SLC15A4: variants seen among roughly 807,000 people sequenced by gnomAD.
The protein encoded by SLC15A4 is hPHT1.
In SLC15A4, 26 loss-of-function variants were observed where a neutral mutation model predicts 46.1. That is an observed-to-expected ratio of 0.56 (90% CI 0.41 to 0.78). The LOEUF is 0.78. Ranked by LOEUF, SLC15A4 falls within the 30% of genes least tolerant of loss-of-function variation. The probability of loss-of-function intolerance (pLI) is 0.00; values close to 1 mark genes in which losing one functional copy is unlikely to be tolerated. For synonymous variants in SLC15A4, 370 were observed against 333.4 expected, an observed-to-expected ratio of 1.11 and a Z score of -1.20; for missense variants, 751 against 755.7, an observed-to-expected ratio of 0.99 and a Z score of 0.07.
intron 5 of SLC15A4, among the ~76,000 whole-genome samples, chr12:128,805,907 T>C (rs971808704): frequency 1.3e-4 from 19 of 151,402 alleles, no homozygotes; most frequent in African/African-American, 4.1e-4. Context: ...CCTGGCCGGG[T>C]GTGGTGGCTC....
intron 1 of SLC15A4, among the ~76,000 whole-genome samples, chr12:128,822,824 C>G (rs971488599): frequency 1.3e-5 from 2 of 152,150 alleles, no homozygotes; most frequent in Admixed American, 6.5e-5. Context: ...GCGTGAGCCA[C>G]TGCGCTCAGC....
intron 2 of SLC15A4, chr12:128,813,097 G>GA (rs1164995715): frequency 6.6e-6 from 1 of 151,956 alleles, no homozygotes; most frequent in Non-Finnish European, 1.5e-5. Flanking sequence ...GGTTGTTCCT[G>GA]AAAAAGACCT....
At chr12:128,804,956 C>T (rs895046462) in intron 5 of SLC15A4, among the ~76,000 whole-genome samples, 2 of 152,210 alleles carry the variant, frequency 1.3e-5, no homozygotes. Context: ...CGATTCTAGA[C>T]ACAGACGCAC....
intron 2 of SLC15A4, chr12:128,814,036 A>T (rs1955703435): frequency 6.4e-6 from 1 of 155,528 alleles, no homozygotes; most frequent in South Asian, 2.0e-4. Context: ...AGTGACTTGG[A>T]GGGGTTCTGA....
At position 128,814,918 on chromosome 12, in the gene SLC15A4, G is replaced by A. The variant is rs373549893; in HGVS notation, c.699C>T (p.Val233=). The change falls in exon 2 of 8, where the codon GTC becomes GTT. Residue 233 remains valine, a synonymous_variant. Transcript: ENST00000266771. ...AGAGGAAGACCACAAAAGCAAGGCC[G>A]ACGCAGACAGTGGGGATCGCATAAC... is the stretch of plus-strand genomic sequence containing the variant. ...VTGYAIPTVC[V]GLAFVVFLCG... The A allele has an allele frequency of 1.7e-5, 28 of 1,614,080 alleles. No individual in the cohort carries two copies. Among genetic ancestry groups the A allele is most frequent in the South Asian group, 3.3e-5 (3 of 91,084 alleles).
intron 1 of SLC15A4, among the ~76,000 whole-genome samples, chr12:128,820,656 G>GACTA (rs3044908): frequency 0.59 from 89,423 of 151,652 alleles, 26,650 homozygotes; most frequent in Non-Finnish European, 0.64. Flanking sequence ...GTGTCATGTA[G>GACTA]ACTAAGTAGT....
chr12:128,821,880 G>A (rs1464809003), intron 1 of SLC15A4, among the ~76,000 whole-genome samples: 3 of 61,342 alleles, frequency 4.9e-5, no homozygotes, highest in East Asian at 8.6e-4. Context: ...GCGAGACTCC[G>A]CCTCAAAAAA....
At chr12:128,800,685 C>T in intron 6 of SLC15A4, 169 bp downstream of exon 6, 1 of 598,368 alleles carries the variant, frequency 1.7e-6, no homozygotes. Context: ...TGGAGAACCT[C>T]AGCACTGGTG....
At chr12:128,802,904 G>A (rs10847691) in intron 5 of SLC15A4, among the ~76,000 whole-genome samples, 14,504 of 152,236 alleles carry the variant, frequency 0.095, 934 homozygotes, top group Admixed American at 0.2. Context: ...CCAACACTGC[G>A]GAAACCAGGA....
intron 2 of SLC15A4, 84 bp downstream of exon 2, chr12:128,814,691 C>T (rs986664429): frequency 7.0e-7 from 1 of 1,426,924 alleles, no homozygotes. Flanking sequence ...ACACAATAAG[C>T]ACACAACAAA....
Position 128,793,480 on chromosome 12 carries a change from G to C in SLC15A4, c.*716C>G, listed in dbSNP as rs77413239. On this transcript the variant is annotated 3_prime_UTR_variant, in exon 8 of 8. Transcript: ENST00000266771. ...TAAGCACTCTGACTAGGTAAGGTGT[G>C]AAGTACCCCGTGAGTTGCTCTGTGG... The C allele has an allele frequency of 1.3e-5, 2 of 152,186 alleles. No homozygotes were observed. Among genetic ancestry groups the C allele is most frequent in the Admixed American group, 1.3e-4 (2 of 15,280 alleles). The allele number at this position is 152,186 out of a possible 1,614,324, so 9.4% of individuals were successfully genotyped here. A position where few individuals can be genotyped will look rare whatever the true frequency, so the allele number is the denominator to read the frequency against.
intron 5 of SLC15A4, among the ~76,000 whole-genome samples, chr12:128,802,596 C>A (rs1424773065): frequency 6.6e-6 from 1 of 152,084 alleles, no homozygotes; most frequent in Non-Finnish European, 1.5e-5. Context: ...GGGGGCGGGA[C>A]AAGGGAAGGT....
chr12:128,803,057 T>C (rs1016431118), intron 5 of SLC15A4, among the ~76,000 whole-genome samples: 5 of 152,106 alleles, frequency 3.3e-5, no homozygotes, highest in Non-Finnish European at 7.4e-5. Context: ...GACAGTGACA[T>C]GGCAAGCGGG....
intron 1 of SLC15A4, 190 bp from the exon 2 acceptor site, chr12:128,815,260 C>T: frequency 1.7e-6 from 1 of 592,064 alleles, no homozygotes; most frequent in Non-Finnish European, 3.0e-6. Context: ...TTAATTACTA[C>T]AGTTGCTAGG....
At chr12:128,814,675 C>G in intron 2 of SLC15A4, 100 bp downstream of exon 2, 1 of 1,279,890 alleles carries the variant, frequency 7.8e-7, no homozygotes, top group East Asian at 2.3e-5. Flanking sequence ...TCAGCCCAGG[C>G]CCAGCACACA....
chr12:128,812,227 T>C (rs1955666620), intron 2 of SLC15A4, among the ~76,000 whole-genome samples: 1 of 152,270 alleles, frequency 6.6e-6, no homozygotes, highest in Non-Finnish European at 1.5e-5. Context: ...GGATTGAAAC[T>C]GAGATTGGGC....
At chr12:128,797,151 C>G (rs1955455344) in intron 7 of SLC15A4, among the ~76,000 whole-genome samples, 1 of 152,160 alleles carries the variant, frequency 6.6e-6, no homozygotes, top group Non-Finnish European at 1.5e-5. Context: ...CACCCGCCCC[C>G]CAGGCTCACA....
rs1955637648 is a variant in SLC15A4, at chr12:128,810,013, T to C, written c.941A>G (p.Asp314Gly). 6.2e-7 allele frequency: 1 copy of C among 1,614,096 alleles called. No homozygotes were observed. Residue 314 changes from aspartate (D) to glycine (G), a missense_variant, in exon 3 of 8, where the codon GAT becomes GGT. Transcript: ENST00000266771. Reference protein sequence around the residue: ...GGPFTEEKVEDVKALVKIVPV... With the variant: ...GGPFTEEKVEGVKALVKIVPV... ...GACAATCTTGACCAGAGCTTTCACA[T>C]CTTCCACTTTCTCTTCTGTAAATGG...
intron 1 of SLC15A4, among the ~76,000 whole-genome samples, chr12:128,821,548 T>C (rs749311113): frequency 6.6e-6 from 1 of 152,208 alleles, no homozygotes; most frequent in African/African-American, 2.4e-5. Context: ...TTGATTTTCA[T>C]AAAATTTTCA....
Sources: gnomAD v4.1 joint callset for allele counts (sites outside exome capture counted in the v4.1 genomes callset) on GRCh38, gnomAD v4.1.1 for gene constraint, MANE v1.5 for transcripts, NCBI Gene and HGNC (gene_info 2026-07-23, HGNC 2026-07-21) for gene names.